The following ZBTB8A variants were observed in gnomAD, a reference collection of about 807,000 sequenced individuals.
The protein encoded by ZBTB8A is zinc finger and BTB domain-containing protein 8A.
ZBTB8A carries 19 observed loss-of-function variants against 37.8 expected under a neutral mutation model. The ratio of observed to expected loss-of-function variants is 0.50; its 90% CI spans 0.35 to 0.74. The LOEUF is 0.74. Ranked by LOEUF, ZBTB8A falls within the 30% of genes least tolerant of loss-of-function variation. The probability of loss-of-function intolerance (pLI) is 0.01; values close to 1 mark genes in which losing one functional copy is unlikely to be tolerated. For missense variants in ZBTB8A, 394 were observed against 537.8 expected (o/e 0.73, Z 2.65); for synonymous variants, 181 against 185.2 (o/e 0.98, Z 0.19).
In ZBTB8A at chr1:32,595,199, C is replaced by T. The variant is rs1300724244; in HGVS notation, c.969C>T (p.Asp323=). 2 of 1,613,866 alleles carry T rather than the reference C, an allele frequency of 1.2e-6. No individual in the cohort carries two copies. The highest frequency in any genetic ancestry group is 1.7e-6 in the Non-Finnish European group (2 of 1,179,992). ...GTGGAAAAAGATTTAGCAGGCTAGA[C>T]CATCTAAGTAGCCATTTTCGAACAG... ...QACGKRFSRL[D]HLSSHFRTIH... The change falls in exon 4 of 5, where the codon GAC becomes GAT. Residue 323 remains aspartate (D), a synonymous_variant. Coordinates refer to ENST00000373510, the MANE Select transcript of ZBTB8A (RefSeq NM_001040441.3).
intron 1 of ZBTB8A, among the ~76,000 whole-genome samples, chr1:32,540,685 A>G (rs1644045786): frequency 6.6e-6 from 1 of 152,188 alleles, no homozygotes; most frequent in Non-Finnish European, 1.5e-5. Flanking sequence ...TTTTCAGGAA[A>G]GCCTCCAAAA....
At chr1:32,581,140 AT>A (rs376854153) in intron 2 of ZBTB8A, among the ~76,000 whole-genome samples, 45 of 110,936 alleles carry the variant, frequency 4.1e-4, no homozygotes, top group Admixed American at 6.9e-4. Context: ...TATTATATAT[AT>A]TTATATATAT....
At chr1:32,542,427 A>C (rs1644063870) in intron 1 of ZBTB8A, among the ~76,000 whole-genome samples, 1 of 152,154 alleles carries the variant, frequency 6.6e-6, no homozygotes, top group South Asian at 2.1e-4. Context: ...AAATACAAAA[A>C]TTAGCACACA....
chr1:32,578,878 A>G (rs542647944), intron 2 of ZBTB8A, among the ~76,000 whole-genome samples: 3 of 152,060 alleles, frequency 2.0e-5, no homozygotes, highest in Non-Finnish European at 2.9e-5. Flanking sequence ...TGTGCCCAGC[A>G]CTAATCTTTT....
intron 2 of ZBTB8A, among the ~76,000 whole-genome samples, chr1:32,570,357 C>T (rs1213889970): frequency 6.6e-6 from 1 of 152,058 alleles, no homozygotes; most frequent in Non-Finnish European, 1.5e-5. Flanking sequence ...GTTAAGTTCC[C>T]TTTTCCTCTT....
intron 1 of ZBTB8A, among the ~76,000 whole-genome samples, chr1:32,548,210 G>A (rs1222085768): frequency 4.6e-5 from 7 of 151,182 alleles, no homozygotes; most frequent in South Asian, 2.1e-4. Flanking sequence ...AGTTGGAGTC[G>A]AGGGTTGCTA....
intron 2 of ZBTB8A, among the ~76,000 whole-genome samples, chr1:32,555,321 G>A (rs1473706919): frequency 2.0e-5 from 3 of 152,042 alleles, no homozygotes; most frequent in Non-Finnish European, 4.4e-5. Context: ...CCCGGGAGAC[G>A]GAGCTTGCAG....
At chr1:32,581,832 G>T (rs1046765614) in intron 2 of ZBTB8A, among the ~76,000 whole-genome samples, 1 of 152,098 alleles carries the variant, frequency 6.6e-6, no homozygotes. Context: ...ATCTTTACAG[G>T]GCGGCAGGAT....
intron 2 of ZBTB8A, among the ~76,000 whole-genome samples, chr1:32,572,587 G>A (rs1463406053): frequency 6.6e-6 from 1 of 151,830 alleles, no homozygotes; most frequent in Non-Finnish European, 1.5e-5. Context: ...GTAGAGATGG[G>A]GTTTCGCCAT....
At chr1:32,556,258 CAG>C (rs1414240260) in intron 2 of ZBTB8A, among the ~76,000 whole-genome samples, 1 of 152,026 alleles carries the variant, frequency 6.6e-6, no homozygotes, top group African/African-American at 2.4e-5. Context: ...TTAGTAGAGA[CAG>C]GGTTTCACCA....
At chr1:32,583,944 A>C (rs1296514110) in intron 2 of ZBTB8A, among the ~76,000 whole-genome samples, 1 of 152,082 alleles carries the variant, frequency 6.6e-6, no homozygotes, top group Admixed American at 6.6e-5. Flanking sequence ...GGGTTTTACC[A>C]TGTTGAGCTT....
At chr1:32,582,834 G>A (rs1236817303) in intron 2 of ZBTB8A, among the ~76,000 whole-genome samples, 3 of 152,136 alleles carry the variant, frequency 2.0e-5, no homozygotes, top group African/African-American at 4.8e-5. Context: ...AGCAAAAGCT[G>A]GGTCTTTGGG....
chr1:32,568,230 A>G (rs1644298694), intron 2 of ZBTB8A, among the ~76,000 whole-genome samples: 1 of 152,178 alleles, frequency 6.6e-6, no homozygotes, highest in South Asian at 2.1e-4. Context: ...ATATGTTCAT[A>G]TGTAATAATC....
intron 1 of ZBTB8A, among the ~76,000 whole-genome samples, chr1:32,546,261 T>C (rs1057152069): frequency 2.0e-5 from 3 of 152,054 alleles, no homozygotes; most frequent in African/African-American, 4.8e-5. Flanking sequence ...CTGGCCAACA[T>C]GGCGAAACCC....
At chr1:32,573,240 T>G (rs1321767766) in intron 2 of ZBTB8A, among the ~76,000 whole-genome samples, 4 of 148,564 alleles carry the variant, frequency 2.7e-5, no homozygotes, top group Non-Finnish European at 4.5e-5. Context: ...CCGGCTAATT[T>G]TTTTTTTTTT....
intron 2 of ZBTB8A, 70 bp from the exon 3 acceptor site, chr1:32,592,861 C>A (rs1644500583): frequency 7.7e-7 from 1 of 1,304,804 alleles, no homozygotes; most frequent in African/African-American, 1.5e-5. Context: ...AGAGCAAGAT[C>A]CTGTCTCAAA....
intron 2 of ZBTB8A, among the ~76,000 whole-genome samples, chr1:32,579,966 T>TA (rs1431341797): frequency 6.6e-6 from 1 of 152,200 alleles, no homozygotes; most frequent in Non-Finnish European, 1.5e-5. Flanking sequence ...ACGTTGTAGT[T>TA]AGTTATCTTG....
At chr1:32,595,604 C>T (rs1261272608) in intron 4 of ZBTB8A, among the ~76,000 whole-genome samples, 1 of 149,838 alleles carries the variant, frequency 6.7e-6, no homozygotes, top group Non-Finnish European at 1.5e-5. Context: ...GGGTCTCTCT[C>T]TATCGCCCAA....
At chr1:32,552,443 T>C (rs1644164099) in intron 1 of ZBTB8A, among the ~76,000 whole-genome samples, 1 of 152,056 alleles carries the variant, frequency 6.6e-6, no homozygotes, top group Non-Finnish European at 1.5e-5. Flanking sequence ...GAAGATTGCC[T>C]GAGGTCGGTC....
Sources: allele counts gnomAD v4.1 joint callset (sites outside exome capture counted in the v4.1 genomes callset), GRCh38; gene constraint gnomAD v4.1.1; transcripts MANE v1.5; gene names NCBI Gene and HGNC (gene_info 2026-07-23, HGNC 2026-07-21).